Variants in DLGAP2 observed in about 807,000 individuals in gnomAD.
DLGAP2 encodes the protein disks large-associated protein 2.
Under a neutral mutation model 100.3 loss-of-function variants are expected in DLGAP2, and 26 were observed. The ratio of observed to expected loss-of-function variants is 0.26; its 90% CI spans 0.19 to 0.36. DLGAP2 has a LOEUF of 0.36. DLGAP2 is among the 10% of genes least tolerant of loss of function. The pLI, the probability that DLGAP2 is intolerant of heterozygous loss-of-function variation, is 1.00. For synonymous variants in DLGAP2, 886 were observed against 630.1 expected, an observed-to-expected ratio of 1.41 and a Z score of -6.08; for missense variants, 1,858 against 1,453.2, an observed-to-expected ratio of 1.28 and a Z score of -4.53.
intron 1 of DLGAP2, among the ~76,000 whole-genome samples, chr8:742,365 T>A (rs996813911): frequency 6.6e-6 from 1 of 152,256 alleles, no homozygotes; most frequent in African/African-American, 2.4e-5. Context: ...CTGATCGTTG[T>A]CTTTAAAATG....
intron 3 of DLGAP2, among the ~76,000 whole-genome samples, chr8:1,305,724 C>G (rs979020717): frequency 2.6e-5 from 4 of 152,176 alleles, no homozygotes; most frequent in African/African-American, 7.2e-5. Context: ...TGTGTACCAC[C>G]TAAAGCCTGG....
At chr8:1,321,684 G>T (rs1800905577) in intron 3 of DLGAP2, among the ~76,000 whole-genome samples, 1 of 152,180 alleles carries the variant, frequency 6.6e-6, no homozygotes. Context: ...AAAATCACAT[G>T]CATAGAACTA....
chr8:1,616,830 G>T (rs913928711), intron 6 of DLGAP2, among the ~76,000 whole-genome samples: 1 of 151,850 alleles, frequency 6.6e-6, no homozygotes, highest in African/African-American at 2.4e-5. Flanking sequence ...AGATTATTTC[G>T]TCATCCAGGT....
At chr8:848,891 A>AGCATAGGAT (rs1797122953) in intron 1 of DLGAP2, among the ~76,000 whole-genome samples, 2 of 99,582 alleles carry the variant, frequency 2.0e-5, no homozygotes, top group South Asian at 6.8e-4. Context: ...CAGCATAGGA[A>AGCATAGGAT]CGCGCGGTGC....
intron 3 of DLGAP2, among the ~76,000 whole-genome samples, chr8:1,344,448 G>A (rs1022521996): frequency 6.6e-6 from 1 of 152,318 alleles, no homozygotes; most frequent in Non-Finnish European, 1.5e-5. Flanking sequence ...GTGGGTAAAA[G>A]TCGGGACTCA....
chr8:744,887 T>A (rs778160036), intron 1 of DLGAP2, among the ~76,000 whole-genome samples: 3 of 152,222 alleles, frequency 2.0e-5, no homozygotes, highest in Non-Finnish European at 4.4e-5. Flanking sequence ...GCTCCCAGCC[T>A]CCGAATTCCT....
intron 4 of DLGAP2, among the ~76,000 whole-genome samples, chr8:1,514,356 A>G (rs1257950281): frequency 2.0e-5 from 3 of 152,256 alleles, no homozygotes; most frequent in African/African-American, 4.8e-5. Flanking sequence ...AATGGCACAC[A>G]TGGTTCCTGC....
chr8:1,293,333 G>T (rs1800102141), intron 3 of DLGAP2, among the ~76,000 whole-genome samples: 1 of 152,146 alleles, frequency 6.6e-6, no homozygotes, highest in South Asian at 2.1e-4. Context: ...CCGGACGGCT[G>T]AGCCATGGCT....
intron 4 of DLGAP2, among the ~76,000 whole-genome samples, chr8:1,507,046 C>T (rs1047302963): frequency 6.6e-6 from 1 of 152,238 alleles, no homozygotes; most frequent in Admixed American, 6.5e-5. Context: ...TTACAATCTC[C>T]TAGCTACACA....
intron 8 of DLGAP2, among the ~76,000 whole-genome samples, chr8:1,649,364 C>G (rs943132566): frequency 6.6e-6 from 1 of 151,884 alleles, no homozygotes; most frequent in African/African-American, 2.4e-5. Flanking sequence ...CACTCAACAC[C>G]CAGTGTCTAG....
At chr8:1,067,365 C>G (rs1301483812) in intron 2 of DLGAP2, among the ~76,000 whole-genome samples, 3 of 152,278 alleles carry the variant, frequency 2.0e-5, no homozygotes, top group Middle Eastern at 3.4e-3. Context: ...TGGTGCCTAC[C>G]CAGCAGGGGC....
chr8:1,140,825 T>C (rs1796508569), intron 2 of DLGAP2, among the ~76,000 whole-genome samples: 1 of 152,014 alleles, frequency 6.6e-6, no homozygotes. Flanking sequence ...ATACAAAAAT[T>C]AGCTAGGCGT....
intron 2 of DLGAP2, among the ~76,000 whole-genome samples, chr8:1,107,252 C>T (rs1238765723): frequency 7.2e-5 from 11 of 152,204 alleles, no homozygotes; most frequent in Non-Finnish European, 1.5e-5. Context: ...GAGACAATAG[C>T]TCACAGAGAG....
At chr8:1,670,983 C>T (rs1057492308) in intron 10 of DLGAP2, among the ~76,000 whole-genome samples, 2 of 152,184 alleles carry the variant, frequency 1.3e-5, no homozygotes, top group Non-Finnish European at 2.9e-5. Flanking sequence ...CAAGAGTGAG[C>T]AGGCTGTGGA....
Position 1,544,905 on chromosome 8 carries a change from G to T in DLGAP2, c.173-3721G>T, listed in dbSNP as rs1801482992. ...GCGCCACCATGCCCAGCTTATGTTT[G>T]TATTTTTAGTAGAGATGGGGTTTCA... On this transcript the variant is annotated intron_variant, in intron 4 of 14. Coordinates refer to ENST00000637795, the MANE Select transcript of DLGAP2 (RefSeq NM_001346810.2). Among the ~76,000 whole-genome samples the T allele has an allele frequency of 2.0e-5, 3 of 151,990 alleles. 1 individual carries two copies. The highest frequency in any genetic ancestry group is 4.4e-5 in the Non-Finnish European group (3 of 68,010).
At chr8:1,001,450 AG>A (rs1185929893) in intron 2 of DLGAP2, among the ~76,000 whole-genome samples, 1 of 152,230 alleles carries the variant, frequency 6.6e-6, no homozygotes, top group Non-Finnish European at 1.5e-5. Flanking sequence ...CTTTTCATCT[AG>A]AAAATGTTTT....
At chr8:901,096 G>A (rs1042672002) in intron 1 of DLGAP2, among the ~76,000 whole-genome samples, 2 of 152,154 alleles carry the variant, frequency 1.3e-5, no homozygotes, top group African/African-American at 4.8e-5. Flanking sequence ...TTTGTGACCA[G>A]CCGGTAAAGA....
At chr8:1,175,381 C>T (rs935148797) in intron 2 of DLGAP2, among the ~76,000 whole-genome samples, 1 of 152,156 alleles carries the variant, frequency 6.6e-6, no homozygotes, top group Non-Finnish European at 1.5e-5. Context: ...AGAAGAATAT[C>T]ATTAGCTGTA....
At chr8:1,531,235 C>CGTGTGTGT (rs529630124) in intron 4 of DLGAP2, among the ~76,000 whole-genome samples, 1,894 of 140,186 alleles carry the variant, frequency 0.014, 17 homozygotes, top group African/African-American at 0.028. Flanking sequence ...TATTAGAGAG[C>CGTGTGTGT]GTGTGCGTGT....
Sources: gnomAD v4.1 joint callset for allele counts (sites outside exome capture counted in the v4.1 genomes callset) on GRCh38, gnomAD v4.1.1 for gene constraint, MANE v1.5 for transcripts, NCBI Gene and HGNC (gene_info 2026-07-23, HGNC 2026-07-21) for gene names.